RICTOR: variants seen among roughly 807,000 people sequenced by gnomAD.
RICTOR encodes the protein rapamycin-insensitive companion of mTOR.
A neutral mutation model predicts 214.9 loss-of-function variants in RICTOR; 49 were observed. The ratio of observed to expected loss-of-function variants is 0.23; its 90% CI spans 0.18 to 0.29. RICTOR has a LOEUF of 0.29. RICTOR is among the 10% of genes least tolerant of loss of function. RICTOR has a pLI of 1.00. For missense variants in RICTOR, 1,625 were observed against 2,047.0 expected (o/e 0.79, Z 3.98); for synonymous variants, 717 against 711.3 (o/e 1.01, Z -0.13).
At chr5:39,062,870 G>A (rs903695475) in intron 2 of RICTOR, among the ~76,000 whole-genome samples, 4 of 152,042 alleles carry the variant, frequency 2.6e-5, no homozygotes, top group South Asian at 2.1e-4. Flanking sequence ...ATCACTAGAG[G>A]GCTGGGTAGG....
At chr5:38,966,263 C>T (rs777499627) in intron 15 of RICTOR, among the ~76,000 whole-genome samples, 6 of 152,226 alleles carry the variant, frequency 3.9e-5, no homozygotes, top group Admixed American at 6.5e-5. Context: ...CAAGTACATT[C>T]TTAGCAGACT....
Position 38,963,018 on chromosome 5 carries a change from C to A in RICTOR, c.1424G>T (p.Cys475Phe). The change falls in exon 17 of 38, where the codon TGT becomes TTT. Residue 475 changes from cysteine to phenylalanine, a missense_variant. Around this residue, in one of 5 missense-constraint regions of RICTOR, gnomAD observed 1,214 missense variants for 1,470.5 expected, o/e 0.83. Coordinates refer to ENST00000357387, the MANE Select transcript of RICTOR (RefSeq NM_152756.5). ...CTTCATTTCATGGAAGCGTTTTAAA[C>A]AGTTCAAGGCTGCACTGGCTCGCCT... ...KRLRASAALN[C>F]LKRFHEMKKR... 6.2e-7 allele frequency: 1 copy of A among 1,611,974 alleles called. No individual in the cohort carries two copies. The highest frequency in any genetic ancestry group is 2.2e-5 in the East Asian group (1 of 44,796).
intron 3 of RICTOR, among the ~76,000 whole-genome samples, chr5:39,007,915 T>C (rs1343971219): frequency 6.6e-6 from 1 of 150,840 alleles, no homozygotes; most frequent in Non-Finnish European, 1.5e-5. Flanking sequence ...AAATATTTTA[T>C]AAAATAAATT....
At chr5:39,044,396 A>G (rs1441896723) in intron 2 of RICTOR, among the ~76,000 whole-genome samples, 12 of 152,188 alleles carry the variant, frequency 7.9e-5, no homozygotes, top group Non-Finnish European at 8.8e-5. Flanking sequence ...GGCATTTATA[A>G]CAGAAGAAGT....
At position 38,942,707 on chromosome 5, in the gene RICTOR, T is replaced by A. The variant is rs746910089; in HGVS notation, c.5052+126A>T. Reference sequence around the variant, plus strand: ...CTGGGCTCAAGCAATTCTCCCGCGCTGACCCCACAAAGTGCTGGGATTGTA... The same window carrying A: ...CTGGGCTCAAGCAATTCTCCCGCGCAGACCCCACAAAGTGCTGGGATTGTA... On this transcript the variant is annotated intron_variant, in intron 37 of 37. Coordinates refer to ENST00000357387, the MANE Select transcript of RICTOR (RefSeq NM_152756.5). 2.8e-5 allele frequency: 21 copies of A among 737,972 alleles called. No individual in the cohort carries two copies. In the South Asian group the frequency reaches 3.3e-4, roughly 12 times the overall value. The allele number at this position is 737,972 out of a possible 1,614,324, so 45.7% of individuals were successfully genotyped here.
At chr5:38,993,707 A>T (rs1321728843) in intron 6 of RICTOR, among the ~76,000 whole-genome samples, 2 of 152,064 alleles carry the variant, frequency 1.3e-5, no homozygotes, top group East Asian at 3.8e-4. Flanking sequence ...TAATTATAAT[A>T]TTAAATATTA....
At chr5:38,990,752 A>ATCATATC (rs1336882288) in intron 7 of RICTOR, among the ~76,000 whole-genome samples, 197 bp downstream of exon 7, 2 of 52,604 alleles carry the variant, frequency 3.8e-5, no homozygotes, top group African/African-American at 1.1e-4. Flanking sequence ...TATGAGATAT[A>ATCATATC]TGATATATAT....
chr5:39,007,433 A>T (rs1013639752), intron 3 of RICTOR, among the ~76,000 whole-genome samples: 29 of 152,142 alleles, frequency 1.9e-4, no homozygotes, highest in African/African-American at 6.3e-4. Flanking sequence ...ATCTTTTTCA[A>T]AGGCCCTATC....
Position 38,966,697 on chromosome 5 carries a change from T to C in RICTOR, c.1243A>G (p.Ser415Gly). The C allele has an allele frequency of 1.3e-6, 2 of 1,589,870 alleles. No individual in the cohort carries two copies. The highest frequency in any genetic ancestry group is 1.7e-6 in the Non-Finnish European group (2 of 1,160,488). The change falls in exon 15 of 38, where the codon AGT (serine) becomes GGT (glycine). Residue 415 changes from serine to glycine, a missense_variant. Transcript: ENST00000357387. ...LEGLVEVITNSDDHISVRATI... is the reference protein window; with the variant it reads ...LEGLVEVITNGDDHISVRATI... ...GCTCTAACTGAGATATGATCATCAC[T>C]GTTTGTTATCACTTCAACTAGACCC...
chr5:39,069,796 T>G (rs1223709996), intron 2 of RICTOR, among the ~76,000 whole-genome samples: 1 of 152,118 alleles, frequency 6.6e-6, no homozygotes, highest in African/African-American at 2.4e-5. Context: ...CTTCCCAGGG[T>G]ATGGTATATT....
intron 3 of RICTOR, among the ~76,000 whole-genome samples, chr5:39,007,023 T>C (rs968056280): frequency 2.6e-5 from 4 of 152,154 alleles, no homozygotes. Flanking sequence ...TAAAATAACA[T>C]AAAATTTTCT....
intron 24 of RICTOR, among the ~76,000 whole-genome samples, chr5:38,958,216 G>A (rs971089067): frequency 6.6e-6 from 1 of 151,682 alleles, no homozygotes; most frequent in Non-Finnish European, 1.5e-5. Context: ...TGGCCTGGAT[G>A]ACAAAGCGAG....
intron 9 of RICTOR, among the ~76,000 whole-genome samples, chr5:38,976,996 A>G (rs1751291366): frequency 6.6e-6 from 1 of 152,238 alleles, no homozygotes; most frequent in African/African-American, 2.4e-5. Context: ...GAAAGAGTAT[A>G]CAGCATATAG....
intron 2 of RICTOR, among the ~76,000 whole-genome samples, chr5:39,034,193 T>G (rs1444316608): frequency 1.3e-5 from 2 of 152,254 alleles, no homozygotes; most frequent in Non-Finnish European, 2.9e-5. Flanking sequence ...ATTGGTTTAT[T>G]GTCAGCATAT....
intron 31 of RICTOR, among the ~76,000 whole-genome samples, chr5:38,947,762 T>C (rs1323850174): frequency 1.3e-5 from 2 of 152,162 alleles, no homozygotes; most frequent in Admixed American, 1.3e-4. Flanking sequence ...AGTCAGAGCA[T>C]GGTCCAAGGA....
At chr5:38,954,731 T>C (rs765229778) in intron 27 of RICTOR, 43 bp downstream of exon 27, 1 of 1,183,008 alleles carries the variant, frequency 8.5e-7, no homozygotes, top group Non-Finnish European at 1.2e-6. Context: ...TTGTTTTTTT[T>C]TTACTATTGT....
chr5:38,959,693 G>A (rs1409007033), intron 21 of RICTOR, 86 bp downstream of exon 21: 9 of 863,488 alleles, frequency 1.0e-5, no homozygotes, highest in South Asian at 1.0e-4. Context: ...CCAAACACAT[G>A]TACACAGAAT....
chr5:39,037,883 C>T (rs1483687920), intron 2 of RICTOR, among the ~76,000 whole-genome samples: 1 of 152,154 alleles, frequency 6.6e-6, no homozygotes, highest in East Asian at 1.9e-4. Flanking sequence ...CAAGTTCTAC[C>T]AGAAGTACAA....
chr5:39,065,217 C>T (rs555092660), intron 2 of RICTOR, among the ~76,000 whole-genome samples: 7 of 152,238 alleles, frequency 4.6e-5, no homozygotes, highest in Admixed American at 3.3e-4. Context: ...AAAGACGAAG[C>T]GTGTGCAGGC....
Sources: gnomAD v4.1 joint callset for allele counts (sites outside exome capture counted in the v4.1 genomes callset) on GRCh38, gnomAD v4.1.1 for gene constraint, gnomAD v4.1.1 regional missense constraint, MANE v1.5 for transcripts, NCBI Gene and HGNC (gene_info 2026-07-23, HGNC 2026-07-21) for gene names.